The following TNFRSF8 variants were observed in gnomAD, a reference collection of about 807,000 sequenced individuals.
The protein encoded by TNFRSF8 is TNF receptor superfamily member 8.
In TNFRSF8, 26 loss-of-function variants were observed where a neutral mutation model predicts 70.8. The observed-to-expected ratio is 0.37, with a 90% CI of 0.27 to 0.51. TNFRSF8 has a LOEUF of 0.51. TNFRSF8 is among the 20% of genes least tolerant of loss of function. TNFRSF8 has a pLI of 0.94. For missense variants in TNFRSF8, 720 were observed against 807.9 expected, an observed-to-expected ratio of 0.89 and a Z score of 1.32; for synonymous variants, 356 against 339.2, an observed-to-expected ratio of 1.05 and a Z score of -0.54.
intron 3 of TNFRSF8, among the ~76,000 whole-genome samples, chr1:12,100,019 A>G (rs1026561674): frequency 1.3e-5 from 2 of 152,080 alleles, no homozygotes; most frequent in African/African-American, 4.8e-5. Flanking sequence ...AAATACAAAA[A>G]TTAGCTGGGC....
intron 2 of TNFRSF8, among the ~76,000 whole-genome samples, chr1:12,086,780 G>C (rs918228441): frequency 6.6e-6 from 1 of 151,796 alleles, no homozygotes; most frequent in African/African-American, 2.4e-5. Flanking sequence ...TGGGAAGATC[G>C]ATCTCTCTCT....
At chr1:12,069,794 T>C (rs1036375835) in intron 1 of TNFRSF8, among the ~76,000 whole-genome samples, 2 of 152,238 alleles carry the variant, frequency 1.3e-5, no homozygotes, top group Non-Finnish European at 2.9e-5. Flanking sequence ...GTCAACAGAC[T>C]GCTGCTAGTT....
Position 12,141,283 on chromosome 1 carries a change from A to T in TNFRSF8, c.1544-1004A>T, listed in dbSNP as rs1642249547. Among the ~76,000 whole-genome samples, 1 of 149,300 alleles carries T rather than the reference A, an allele frequency of 6.7e-6. No individual in the cohort carries two copies. The highest frequency in any genetic ancestry group is 1.5e-5 in the Non-Finnish European group (1 of 67,528). On this transcript the variant is annotated intron_variant, in intron 14 of 14. Transcript: ENST00000263932. This position sits in a 1 kb window ranked among gnomAD's most constrained non-coding sequence, Gnocchi z 5.4. ...TTCCCCATTCTGGCCTCCAGAGTCC[A>T]GCGCAGAACAGCTGGGAGCCAGCCC...
chr1:12,120,296 A>AGAC (rs1467519374), intron 8 of TNFRSF8, among the ~76,000 whole-genome samples: 1 of 152,230 alleles, frequency 6.6e-6, no homozygotes, highest in Non-Finnish European at 1.5e-5. Flanking sequence ...GATGTGGTAT[A>AGAC]GACCAGTTGA....
chr1:12,081,367 T>C (rs1162374916), intron 1 of TNFRSF8, among the ~76,000 whole-genome samples: 1 of 151,936 alleles, frequency 6.6e-6, no homozygotes, highest in Non-Finnish European at 1.5e-5. Flanking sequence ...CCCTCACACC[T>C]CCAGCCAGCC....
intron 12 of TNFRSF8, among the ~76,000 whole-genome samples, chr1:12,135,333 A>AAAAG (rs1642125762): frequency 6.7e-5 from 10 of 149,352 alleles, no homozygotes; most frequent in Non-Finnish European, 1.0e-4. Flanking sequence ...AAAAAAAAAA[A>AAAAG]GGAATGAGAG....
chr1:12,074,687 G>A (rs1197485958), intron 1 of TNFRSF8, among the ~76,000 whole-genome samples: 1 of 152,180 alleles, frequency 6.6e-6, no homozygotes, highest in Non-Finnish European at 1.5e-5. Context: ...ACCCTTCCTT[G>A]GAGAATCAAA....
chr1:12,078,845 G>T (rs138561747), intron 1 of TNFRSF8, among the ~76,000 whole-genome samples: 11 of 152,212 alleles, frequency 7.2e-5, no homozygotes, highest in African/African-American at 1.9e-4. Flanking sequence ...ACTTCTTTCT[G>T]CTCAGCTTCT....
chr1:12,112,170 C>T lies in TNFRSF8; in HGVS notation c.793+156C>T, dbSNP rs557941747. ...TGGCATATTATTTCCTTCCAGGAAG[C>T]GTTTGTGAATCACCCACCTGTTCCA... On this transcript the variant is annotated intron_variant, in intron 7 of 14. Coordinates refer to ENST00000263932, the MANE Select transcript of TNFRSF8 (RefSeq NM_001243.5). The surrounding 1 kb of genome is among the most constrained non-coding windows in gnomAD (Gnocchi z 5.3). 7.4e-4 allele frequency among the ~76,000 whole-genome samples: 113 copies of T among 152,220 alleles called. No individual in the cohort carries two copies. Among genetic ancestry groups the T allele is most frequent in the South Asian group, 2.9e-3 (14 of 4,824 alleles).
At chr1:12,128,952 A>G (rs1641996243) in intron 12 of TNFRSF8, among the ~76,000 whole-genome samples, 1 of 147,520 alleles carries the variant, frequency 6.8e-6, no homozygotes. Context: ...CTCCTGCCTC[A>G]GCCTCCTGAG....
In TNFRSF8 at chr1:12,123,748, C is replaced by T; in HGVS notation, c.1074C>T (p.Ser358=). 1 of 1,574,492 alleles carries T rather than the reference C, an allele frequency of 6.4e-7. No individual in the cohort carries two copies. Among genetic ancestry groups the T allele is most frequent in the Admixed American group, 1.8e-5 (1 of 54,274 alleles). The change falls in exon 10 of 15, where the codon TCC becomes TCT. Residue 358 remains serine, a synonymous_variant. Coordinates refer to ENST00000263932, the MANE Select transcript of TNFRSF8 (RefSeq NM_001243.5). Reference sequence around the variant, plus strand: ...CCACTCAGAGCTTGCTGGTGGACTCCCAGGCCAGTAAGACGCTGCCCATCC... The same window carrying T: ...CCACTCAGAGCTTGCTGGTGGACTCTCAGGCCAGTAAGACGCTGCCCATCC... The part of the protein sequence containing the change: ...TSPTQSLLVD[S]QASKTLPIPT...
intron 1 of TNFRSF8, among the ~76,000 whole-genome samples, chr1:12,076,097 C>CTTTTTTTTTT (rs397829917): frequency 7.2e-6 from 1 of 139,480 alleles, no homozygotes; most frequent in Non-Finnish European, 1.6e-5. Flanking sequence ...TTTTTTTTTT[C>CTTTTTTTTTT]TTTTTCTTTT....
At chr1:12,082,061 G>A (rs547080977) in intron 1 of TNFRSF8, among the ~76,000 whole-genome samples, 2 of 151,224 alleles carry the variant, frequency 1.3e-5, no homozygotes, top group African/African-American at 2.4e-5. Flanking sequence ...TTTCCCTTTT[G>A]CTCCACCCTA....
chr1:12,111,950 G>A lies in TNFRSF8; in HGVS notation c.729G>A (p.Gln243=), dbSNP rs1274894322. ...AGGGGTCTGGTGATTGCAGAAAGCA[G>A]TGTGAGCCCGACTACTACCTGGACG... ...CPEGSGDCRK[Q]CEPDYYLDEA... is the part of the protein sequence containing the mutation. The change falls in exon 7 of 15, where the codon CAG becomes CAA. Residue 243 remains glutamine (Q), a synonymous_variant. Coordinates refer to ENST00000263932, the MANE Select transcript of TNFRSF8 (RefSeq NM_001243.5). 2 of 1,614,128 alleles carry A rather than the reference G, an allele frequency of 1.2e-6. No individual in the cohort carries two copies. Among genetic ancestry groups the A allele is most frequent in the Non-Finnish European group, 1.7e-6 (2 of 1,180,052 alleles).
At chr1:12,077,001 G>A (rs943021127) in intron 1 of TNFRSF8, among the ~76,000 whole-genome samples, 1 of 152,128 alleles carries the variant, frequency 6.6e-6, no homozygotes, top group African/African-American at 2.4e-5. Context: ...GAGTGCAGTG[G>A]CCCAACCACG....
At chr1:12,086,745 C>T (rs1641158905) in intron 2 of TNFRSF8, among the ~76,000 whole-genome samples, 1 of 152,026 alleles carries the variant, frequency 6.6e-6, no homozygotes, top group South Asian at 2.1e-4. Context: ...GTCTTCTTGG[C>T]TTGCAGATGG....
chr1:12,110,557 C>T lies in TNFRSF8; in HGVS notation c.676+353C>T, dbSNP rs1184743775. Among the ~76,000 whole-genome samples, 1 of 152,166 alleles carries T rather than the reference C, an allele frequency of 6.6e-6. No individual in the cohort carries two copies. Among genetic ancestry groups the T allele is most frequent in the Non-Finnish European group, 1.5e-5 (1 of 68,030 alleles). On this transcript the variant is annotated intron_variant, in intron 6 of 14. Transcript: ENST00000263932. This position sits in a 1 kb window ranked among gnomAD's most constrained non-coding sequence, Gnocchi z 4.0. ...AGCCTCTGCACGTGTCCATCTGATG[C>T]CCTCCTGGTCTCCATGGCGAAGGGT...
intron 1 of TNFRSF8, among the ~76,000 whole-genome samples, chr1:12,076,793 G>A (rs753197989): frequency 6.6e-6 from 1 of 152,184 alleles, no homozygotes; most frequent in Non-Finnish European, 1.5e-5. Context: ...TTGGTCTGGA[G>A]CTCAAGTGAG....
At position 12,109,722 on chromosome 1, in the gene TNFRSF8, C is replaced by G. The variant is rs1053214685; in HGVS notation, c.512+66C>G. On this transcript the variant is annotated intron_variant, in intron 5 of 14. Coordinates refer to ENST00000263932, the MANE Select transcript of TNFRSF8 (RefSeq NM_001243.5). This position sits in a 1 kb window ranked among gnomAD's most constrained non-coding sequence, Gnocchi z 4.4. ...GCTTTCAGATGAGGCTGCCCCACCCCACAGGACGCCCATGGTACAACTGGG... is the reference window on the plus strand; with the variant it reads ...GCTTTCAGATGAGGCTGCCCCACCCGACAGGACGCCCATGGTACAACTGGG... 8.0e-6 allele frequency: 11 copies of G among 1,372,462 alleles called. No homozygotes were observed. The highest frequency in any genetic ancestry group is 1.7e-5 in the Admixed American group (1 of 57,160). The allele number at this position is 1,372,462 out of a possible 1,614,324, so 85.0% of individuals were successfully genotyped here.
Sources: gnomAD v4.1 joint callset for allele counts (sites outside exome capture counted in the v4.1 genomes callset) on GRCh38, gnomAD v4.1.1 for gene constraint, Gnocchi (gnomAD v3.1) non-coding constraint, MANE v1.5 for transcripts, NCBI Gene and HGNC (gene_info 2026-07-23, HGNC 2026-07-21) for gene names.